The following UNC45A variants were observed in gnomAD, a reference collection of about 807,000 sequenced individuals.
UNC45A encodes the protein unc-45 myosin chaperone A, also known as protein unc-45 homolog A.
In UNC45A, 78 loss-of-function variants were observed where a neutral mutation model predicts 103.2. The ratio of observed to expected loss-of-function variants is 0.76; its 90% CI spans 0.63 to 0.91. UNC45A has a LOEUF of 0.91. UNC45A is among the 40% of genes least tolerant of loss of function. The pLI is 0.00. For missense variants in UNC45A, 1,193 were observed against 1,224.8 expected (o/e 0.97, Z 0.39); for synonymous variants, 495 against 504.6 (o/e 0.98, Z 0.25).
At chr15:90,930,875 A>G (rs117513973), upstream of UNC45A, 1 of 225,304 alleles carries the variant, frequency 4.4e-6, no homozygotes, top group East Asian at 1.1e-4. Flanking sequence ...AAGGAAAGAT[A>G]TGCAGCCCAC....
rs1470367372 is a variant in UNC45A at position 90,935,909 on chromosome 15, A to G, written c.214-37A>G. 3 of 1,613,604 alleles carry G rather than the reference A, an allele frequency of 1.9e-6. No individual in the cohort carries two copies. In the Admixed American group the frequency reaches 5.0e-5, roughly 27 times the overall value. On this transcript the variant is annotated intron_variant, in intron 2 of 19. Coordinates refer to ENST00000418476, the MANE Select transcript of UNC45A (RefSeq NM_018671.5). ...GCCTGGTTAGTGCCCCGAGAGGGAG[A>G]TGACCATTCCTTCAGGCTCCTGTCT...
At chr15:90,938,636 T>C (rs1481948735) in intron 4 of UNC45A, among the ~76,000 whole-genome samples, 2 of 150,956 alleles carry the variant, frequency 1.3e-5, no homozygotes, top group Non-Finnish European at 2.9e-5. Context: ...GGTGGGGGAG[T>C]AGGCCTAGGA....
chr15:90,935,915 A>C, intron 2 of UNC45A, 31 bp from the exon 3 acceptor site: 2 of 1,613,940 alleles, frequency 1.2e-6, no homozygotes, highest in Non-Finnish European at 1.7e-6. Context: ...GGAGATGACC[A>C]TTCCTTCAGG....
chr15:90,952,848 T>A, intron 17 of UNC45A, 81 bp from the exon 18 acceptor site: 1 of 1,347,826 alleles, frequency 7.4e-7, no homozygotes, highest in Admixed American at 1.9e-5. Context: ...CCTCCAACAT[T>A]GGGGATTATA....
At chr15:90,930,786 G>A, upstream of UNC45A, 1 of 173,942 alleles carries the variant, frequency 5.7e-6, no homozygotes, top group East Asian at 1.5e-4. Flanking sequence ...TCACTGACAA[G>A]GAAGCCAGGT....
At chr15:90,931,782 T>C, upstream of UNC45A, 1 of 1,614,170 alleles carries the variant, frequency 6.2e-7, no homozygotes, top group Non-Finnish European at 8.5e-7. Flanking sequence ...CCGGGGCTAC[T>C]GTGGGGCGCT....
chr15:90,953,695 A>G lies in UNC45A; in HGVS notation c.2814A>G (p.Gln938=), dbSNP rs543155311. 31 of 1,613,930 alleles carry G rather than the reference A, an allele frequency of 1.9e-5. No homozygotes were observed. The East Asian group carries it at 5.8e-4, about 30-fold the overall frequency. ...AAGCAGTGGAATATGGGCTTATCCA[A>G]CCCAACCAAGATGGAGAGTGAGGGG... ...LDKAVEYGLI[Q]PNQDGE is the part of the protein sequence containing the mutation. Residue 938 remains glutamine (Q), a synonymous_variant, in exon 20 of 20, where the codon CAA becomes CAG. Transcript: ENST00000418476.
chr15:90,934,909 G>C (rs942856212), upstream of UNC45A: 1 of 438,024 alleles, frequency 2.3e-6, no homozygotes, highest in Non-Finnish European at 4.0e-6. Flanking sequence ...GAGCGCGGTC[G>C]GGGCCGGGAT....
rs754614351 is a variant in UNC45A at position 90,942,684 on chromosome 15, T to C, written c.856+79T>C. 5 of 1,602,114 alleles carry C rather than the reference T, an allele frequency of 3.1e-6. No individual in the cohort carries two copies. In the South Asian group the frequency reaches 3.3e-5, roughly 11 times the overall value. On this transcript the variant is annotated intron_variant, in intron 7 of 19. Transcript: ENST00000418476. The stretch of plus-strand genomic sequence containing the variant: ...GGGCTGAGCCAGCCAGGCCAGTTTT[T>C]TGGGGACCAGACTTGCAGCTGCAGG...
rs1184618703 is a variant in UNC45A at position 90,936,326 on chromosome 15, CG to C, written c.294del (p.Ser99AlafsTer4). 3.7e-6 allele frequency: 6 copies of C among 1,613,982 alleles called. No individual in the cohort carries two copies. The highest frequency in any genetic ancestry group is 5.1e-6 in the Non-Finnish European group (6 of 1,180,010). The part of the protein sequence containing the change: ...DGGDVKALYR[R>X]SQALEKLGRL... ...TGGGGATGTCAAAGCACTCTACCGG[CG>C]GAGCCAAGCCCTAGAGAAGCTGGGC... On this transcript the variant is annotated frameshift_variant, in exon 4 of 20. Coordinates refer to ENST00000418476, the MANE Select transcript of UNC45A (RefSeq NM_018671.5). LOFTEE classifies it high-confidence loss of function.
upstream of UNC45A, chr15:90,930,717 C>T (rs999915669): frequency 6.4e-6 from 1 of 156,522 alleles, no homozygotes; most frequent in African/African-American, 2.4e-5. Flanking sequence ...TCTTGAGCAC[C>T]TATGTGTCAG....
intron 17 of UNC45A, 111 bp downstream of exon 17, chr15:90,950,726 T>A: frequency 9.5e-7 from 1 of 1,052,564 alleles, no homozygotes; most frequent in Non-Finnish European, 1.4e-6. Context: ...TCTGTGAGCC[T>A]CACAGTGACT....
At chr15:90,948,415 C>T (rs1347808288) in intron 12 of UNC45A, 132 bp downstream of exon 12, 8 of 1,409,644 alleles carry the variant, frequency 5.7e-6, no homozygotes, top group Non-Finnish European at 7.7e-6. Context: ...AGTGGCTGCT[C>T]TGTGTAGTGT....
chr15:90,932,407 G>T, upstream of UNC45A: 1 of 1,302,884 alleles, frequency 7.7e-7, no homozygotes, highest in Non-Finnish European at 9.8e-7. Context: ...CGCAGCCGGC[G>T]CTCCGCGGCC....
intron 9 of UNC45A, 46 bp from the exon 10 acceptor site, chr15:90,946,565 TCCC>T: frequency 6.6e-7 from 1 of 1,519,622 alleles, no homozygotes; most frequent in Non-Finnish European, 8.8e-7. Context: ...GGAAGAAGAG[TCCC>T]TTTATGTTGG....
intron 3 of UNC45A, 86 bp downstream of exon 3, chr15:90,936,068 C>A: frequency 6.3e-7 from 1 of 1,585,130 alleles, no homozygotes; most frequent in Non-Finnish European, 8.6e-7. Flanking sequence ...TCACATTCTC[C>A]TCCTTTGGCC....
intron 17 of UNC45A, 93 bp downstream of exon 17, chr15:90,950,708 C>A: frequency 2.3e-6 from 3 of 1,298,382 alleles, no homozygotes; most frequent in South Asian, 1.3e-5. Context: ...ACTCCTTGGT[C>A]ATGGGCTTCT....
intron 5 of UNC45A, 109 bp from the exon 6 acceptor site, chr15:90,940,197 A>C: frequency 7.8e-7 from 1 of 1,276,414 alleles, no homozygotes; most frequent in East Asian, 2.3e-5. Flanking sequence ...GTGGTCACTC[A>C]ACTGTGAAGT....
intron 15 of UNC45A, 50 bp downstream of exon 15, chr15:90,949,770 A>C (rs1185366367): frequency 1.9e-6 from 3 of 1,584,588 alleles, no homozygotes; most frequent in Non-Finnish European, 2.6e-6. Flanking sequence ...TCAGCCTATA[A>C]AACATGACTC....
Sources: gnomAD v4.1 joint callset for allele counts (sites outside exome capture counted in the v4.1 genomes callset) on GRCh38, gnomAD v4.1.1 for gene constraint, MANE v1.5 for transcripts, NCBI Gene and HGNC (gene_info 2026-07-23, HGNC 2026-07-21) for gene names.